The following C7orf57 variants were observed in gnomAD, a reference collection of about 807,000 sequenced individuals.
C7orf57 encodes chromosome 7 open reading frame 57.
C7orf57 carries 33 observed loss-of-function variants against 39.0 expected under a neutral mutation model. The ratio of observed to expected loss-of-function variants is 0.85; its 90% CI spans 0.64 to 1.13. The LOEUF (loss-of-function observed/expected upper bound fraction) is 1.13, where lower values mean the gene tolerates loss of function less well. Among genes scored for constraint, C7orf57 ranks in the 50% most tolerant of loss-of-function variants. The pLI, the probability that C7orf57 is intolerant of heterozygous loss-of-function variation, is 0.00. For synonymous variants in C7orf57, 124 were observed against 137.1 expected, an observed-to-expected ratio of 0.90 and a Z score of 0.67; for missense variants, 346 against 362.3, an observed-to-expected ratio of 0.95 and a Z score of 0.37.
In C7orf57 at chr7:48,051,779, TTTC is replaced by T. The variant is rs1562629771; in HGVS notation, c.606-918_606-916del. On this transcript the variant is annotated intron_variant, in intron 6 of 8. Transcript: ENST00000348904. ...CTTTCTTTCTTTCTTTCTTTCTTTC[TTTC>T]TTTCTTTCTTTCTTTCCTTCCTTCC... 1.7e-3 allele frequency among the ~76,000 whole-genome samples: 188 copies of T among 111,156 alleles called. 10 individuals carry two copies. Among genetic ancestry groups the T allele is most frequent in the Admixed American group, 7.1e-3 (80 of 11,192 alleles). 72.9% of individuals were successfully genotyped at this position (111,156 alleles called of 152,430 possible). A position where few individuals can be genotyped will look rare whatever the true frequency, so the allele number is the denominator to read the frequency against.
At chr7:48,054,821 G>A (rs999766603) in intron 8 of C7orf57, among the ~76,000 whole-genome samples, 14 of 151,944 alleles carry the variant, frequency 9.2e-5, no homozygotes, top group Non-Finnish European at 1.0e-4. Context: ...AAAGAGGATC[G>A]CTTACACAAT....
rs1583795251 is a variant in C7orf57, at chr7:48,036,352, A to G, written c.44A>G (p.Tyr15Cys). The change falls in exon 2 of 9, where the codon TAC becomes TGC. Residue 15 changes from tyrosine to cysteine, a missense_variant. Coordinates refer to ENST00000348904, the MANE Select transcript of C7orf57 (RefSeq NM_001100159.3). ...SKELQGATHR[Y>C]APCDWYYHVP... ...GAACTTCAGGGCGCCACGCACCGCT[A>G]CGCTCCCTGCGGTGAGTGCGCCCTG... is the stretch of plus-strand genomic sequence containing the variant. 1.3e-6 allele frequency: 2 copies of G among 1,588,704 alleles called. No individual in the cohort carries two copies. The highest frequency in any genetic ancestry group is 1.7e-6 in the Non-Finnish European group (2 of 1,168,052).
chr7:48,036,123 T>G (rs1583794594), intron 1 of C7orf57, 85 bp from the exon 2 acceptor site: 2 of 666,516 alleles, frequency 3.0e-6, no homozygotes, highest in Non-Finnish European at 5.5e-6. Context: ...GTGCCAGCGC[T>G]AGGCGATCGT....
chr7:48,045,530 C>T (rs1181403745), intron 4 of C7orf57, among the ~76,000 whole-genome samples: 1 of 152,158 alleles, frequency 6.6e-6, no homozygotes, highest in Non-Finnish European at 1.5e-5. Flanking sequence ...CAGCCACCTC[C>T]TTCAGGTGCT....
chr7:48,049,885 G>T lies in C7orf57; in HGVS notation c.513G>T (p.Arg171Ser). Reference sequence around the variant, plus strand: ...TTGTGTGTTTCCTCACACAGCTGAGGCTACCGGCCATTGACTCAAAGTATC... The same window carrying T: ...TTGTGTGTTTCCTCACACAGCTGAGTCTACCGGCCATTGACTCAAAGTATC... The part of the protein sequence containing the change: ...EELEKEKKKL[R>S]LPAIDSKYLS... The change falls in exon 6 of 9, where the codon AGG becomes AGT. Residue 171 changes from arginine (R) to serine (S), a missense_variant. Transcript: ENST00000348904. 6.2e-7 allele frequency: 1 copy of T among 1,613,472 alleles called. No homozygotes were observed. Among genetic ancestry groups the T allele is most frequent in the Non-Finnish European group, 8.5e-7 (1 of 1,179,610 alleles).
chr7:48,054,885 T>G (rs1418952763), intron 8 of C7orf57, among the ~76,000 whole-genome samples: 2 of 151,828 alleles, frequency 1.3e-5, no homozygotes, highest in African/African-American at 4.9e-5. Flanking sequence ...TTATTATTAT[T>G]ATTTTTTTTG....
intron 6 of C7orf57, among the ~76,000 whole-genome samples, chr7:48,051,655 C>T (rs960113905): frequency 6.9e-6 from 1 of 144,226 alleles, no homozygotes; most frequent in Non-Finnish European, 1.6e-5. Context: ...TCCCTTCCTC[C>T]CTTCCTTTCT....
At chr7:48,057,936 A>G (rs1261300954) in intron 8 of C7orf57, among the ~76,000 whole-genome samples, 1 of 152,132 alleles carries the variant, frequency 6.6e-6, no homozygotes, top group Non-Finnish European at 1.5e-5. Flanking sequence ...AATGTAGTAT[A>G]TCACATTTAA....
At chr7:48,037,749 C>CTCTGTGTGTGTGTG (rs71552473) in intron 2 of C7orf57, among the ~76,000 whole-genome samples, 1 of 150,572 alleles carries the variant, frequency 6.6e-6, no homozygotes, top group Non-Finnish European at 1.5e-5. Flanking sequence ...CTTTAACCCT[C>CTCTGTGTGTGTGTG]TGTGTGTGTG....
At chr7:48,056,818 T>C (rs1053108515) in intron 8 of C7orf57, among the ~76,000 whole-genome samples, 2 of 152,164 alleles carry the variant, frequency 1.3e-5, no homozygotes, top group Admixed American at 6.5e-5. Flanking sequence ...TTAAATGAGA[T>C]GAAGATCCAA....
chr7:48,036,497 A>G, intron 2 of C7orf57, 134 bp downstream of exon 2: 2 of 800,702 alleles, frequency 2.5e-6, no homozygotes, highest in South Asian at 3.8e-5. Flanking sequence ...AAGTGATAAA[A>G]CTAACAAGTC....
Position 48,046,627 on chromosome 7 carries a change from C to A in C7orf57, c.507+11C>A, listed in dbSNP as rs1562626714. On this transcript the variant is annotated intron_variant, in intron 5 of 8. Coordinates refer to ENST00000348904, the MANE Select transcript of C7orf57 (RefSeq NM_001100159.3). ...AAGGAGAAAAAAAAGGTGACGGGAG[C>A]CCATAAATAGACGGCATCCGCATCC... The A allele has an allele frequency of 1.2e-6, 2 of 1,608,168 alleles. No individual in the cohort carries two copies. Among genetic ancestry groups the A allele is most frequent in the Non-Finnish European group, 1.7e-6 (2 of 1,177,152 alleles).
intron 8 of C7orf57, among the ~76,000 whole-genome samples, chr7:48,055,451 C>T (rs2128798807): frequency 6.6e-6 from 1 of 152,144 alleles, no homozygotes; most frequent in East Asian, 1.9e-4. Context: ...AATACTTACC[C>T]TTTTTTTGTG....
rs377253797 is a variant in C7orf57, at chr7:48,046,639, C to T, written c.507+23C>T. 2.3e-4 allele frequency: 375 copies of T among 1,602,326 alleles called. 1 individual carries two copies. Among genetic ancestry groups the T allele is most frequent in the South Asian group, 1.7e-3 (156 of 89,222 alleles). On this transcript the variant is annotated intron_variant, in intron 5 of 8. Transcript: ENST00000348904. ...AAGGTGACGGGAGCCCATAAATAGA[C>T]GGCATCCGCATCCGCTTTGCTTCTG...
At chr7:48,042,939 G>T (rs910158264) in intron 3 of C7orf57, among the ~76,000 whole-genome samples, 5 of 152,144 alleles carry the variant, frequency 3.3e-5, no homozygotes, top group Non-Finnish European at 5.9e-5. Flanking sequence ...TTGGCTCCAA[G>T]GTGACTGTGA....
chr7:48,058,587 T>C (rs977006347), intron 8 of C7orf57, among the ~76,000 whole-genome samples: 8 of 152,174 alleles, frequency 5.3e-5, no homozygotes, highest in Non-Finnish European at 1.2e-4. Context: ...TCTTTTCTTT[T>C]TTCCTCTCTT....
At chr7:48,052,260 G>A (rs995876636) in intron 6 of C7orf57, among the ~76,000 whole-genome samples, 2 of 152,016 alleles carry the variant, frequency 1.3e-5, no homozygotes, top group Non-Finnish European at 2.9e-5. Flanking sequence ...CGTGAGCCAC[G>A]GCACCCAGCA....
intron 5 of C7orf57, among the ~76,000 whole-genome samples, chr7:48,048,877 G>C (rs1313372445): frequency 2.6e-5 from 4 of 152,004 alleles, no homozygotes; most frequent in Non-Finnish European, 5.9e-5. Flanking sequence ...TAAATCCAAG[G>C]GGCATCAGCC....
rs753552336 is a variant in C7orf57, at chr7:48,036,326, G to C, written c.18G>C (p.Lys6Asn). 1.6e-5 allele frequency: 25 copies of C among 1,590,598 alleles called. No individual in the cohort carries two copies. Among genetic ancestry groups the C allele is most frequent in the Non-Finnish European group, 1.9e-5 (22 of 1,168,920 alleles). Reference protein sequence around the residue: MRNTSKELQGATHRYA... With the variant: MRNTSNELQGATHRYA... ...GCCTGACCATGAGGAACACAAGCAA[G>C]GAACTTCAGGGCGCCACGCACCGCT... The change falls in exon 2 of 9, where the codon AAG becomes AAC. Residue 6 changes from lysine to asparagine, a missense_variant. Coordinates refer to ENST00000348904, the MANE Select transcript of C7orf57 (RefSeq NM_001100159.3).
Sources: allele counts gnomAD v4.1 joint callset (sites outside exome capture counted in the v4.1 genomes callset), GRCh38; gene constraint gnomAD v4.1.1; transcripts MANE v1.5; gene names NCBI Gene and HGNC (gene_info 2026-07-23, HGNC 2026-07-21).